TRPC4: variants seen among roughly 807,000 people sequenced by gnomAD.
TRPC4 encodes the protein short transient receptor potential channel 4.
Under a neutral mutation model 99.4 loss-of-function variants are expected in TRPC4, and 49 were observed. The observed-to-expected ratio is 0.49, with a 90% CI of 0.39 to 0.63. TRPC4 has a LOEUF of 0.63. Among genes scored for constraint, TRPC4 ranks in the 20% least tolerant of loss-of-function variants. The probability of loss-of-function intolerance (pLI) is 0.00; values close to 1 mark genes in which losing one functional copy is unlikely to be tolerated. For synonymous variants in TRPC4, 454 were observed against 425.9 expected (o/e 1.07, Z -0.81); for missense variants, 898 against 1,152.9 (o/e 0.78, Z 3.20).
intron 3 of TRPC4, among the ~76,000 whole-genome samples, chr13:37,736,355 AG>A (rs1463074198): frequency 6.6e-6 from 1 of 152,172 alleles, no homozygotes; most frequent in African/African-American, 2.4e-5. Flanking sequence ...TCTACAGAAC[AG>A]CAGGAGAGAA....
chr13:37,802,961 T>C (rs537501675), intron 1 of TRPC4, among the ~76,000 whole-genome samples: 14 of 152,192 alleles, frequency 9.2e-5, no homozygotes, highest in African/African-American at 3.4e-4. Context: ...ATTGTCCCCT[T>C]CTATGTCCAT....
chr13:37,850,454 T>C (rs11839718), intron 1 of TRPC4, among the ~76,000 whole-genome samples: 1,622 of 152,320 alleles, frequency 0.011, 21 homozygotes, highest in African/African-American at 0.037. Context: ...AAGATGGTAA[T>C]TTGGCAAGAA....
intron 1 of TRPC4, among the ~76,000 whole-genome samples, chr13:37,865,697 T>C (rs1397530124): frequency 2.6e-5 from 4 of 151,738 alleles, no homozygotes; most frequent in Admixed American, 2.6e-4. Flanking sequence ...TGTTAAAAGA[T>C]TATTGATTGT....
intron 4 of TRPC4, among the ~76,000 whole-genome samples, chr13:37,682,036 T>A (rs1593501158): frequency 6.6e-6 from 1 of 151,752 alleles, no homozygotes; most frequent in Non-Finnish European, 1.5e-5. Flanking sequence ...TGTGATGGGG[T>A]AGGCAATGCT....
At chr13:37,824,351 A>T (rs1224144824) in intron 1 of TRPC4, among the ~76,000 whole-genome samples, 3 of 148,126 alleles carry the variant, frequency 2.0e-5, no homozygotes, top group African/African-American at 5.0e-5. Flanking sequence ...GTCTTGTGCC[A>T]GTTTTCAAAG....
At chr13:37,745,523 T>A (rs1262172365) in intron 3 of TRPC4, among the ~76,000 whole-genome samples, 2,209 of 95,368 alleles carry the variant, frequency 0.023, 31 homozygotes, top group Non-Finnish European at 0.029. Flanking sequence ...TATATACGTA[T>A]ATATGTATAT....
At chr13:37,652,367 A>C (rs888782944) in intron 7 of TRPC4, among the ~76,000 whole-genome samples, 1 of 152,240 alleles carries the variant, frequency 6.6e-6, no homozygotes, top group African/African-American at 2.4e-5. Context: ...CTTCATTTTG[A>C]TATTCCTAAA....
chr13:37,736,191 T>C (rs1955388230), intron 3 of TRPC4, among the ~76,000 whole-genome samples: 1 of 152,048 alleles, frequency 6.6e-6, no homozygotes. Context: ...CATTACAGAG[T>C]GGCAGGCACT....
At position 37,853,032 on chromosome 13, in the gene TRPC4, G is replaced by A. The variant is rs77694145; in HGVS notation, c.-28+16563C>T. Among the ~76,000 whole-genome samples the A allele has an allele frequency of 8.9e-3, 1,355 of 152,098 alleles. 36 individuals carry two copies. In the East Asian group the frequency reaches 0.099, roughly 11 times the overall value. On this transcript the variant is annotated intron_variant, in intron 1 of 10. Coordinates refer to ENST00000379705, the MANE Select transcript of TRPC4 (RefSeq NM_016179.4). ...ATCTCTGGAGTCACCGAGAGCCTGG[G>A]GAATCTCACTGCCCTGGGGAAAAGA...
intron 10 of TRPC4, among the ~76,000 whole-genome samples, chr13:37,638,738 C>T (rs529341399): frequency 2.4e-4 from 37 of 152,220 alleles, no homozygotes; most frequent in African/African-American, 8.4e-4. Context: ...GTAAATGTTT[C>T]GGATTTAAAA....
rs962139629 is a variant in TRPC4 at position 37,639,109 on chromosome 13, C to T, written c.2142G>A (p.Val714=). The T allele has an allele frequency of 1.1e-5, 17 of 1,613,576 alleles. No homozygotes were observed. Among genetic ancestry groups the T allele is most frequent in the Non-Finnish European group, 1.4e-5 (16 of 1,179,660 alleles). The change falls in exon 10 of 11, where the codon GTG becomes GTA. Residue 714 remains valine, a synonymous_variant. Coordinates refer to ENST00000379705, the MANE Select transcript of TRPC4 (RefSeq NM_016179.4). ...HQYQEVMRNL[V]KRYVAAMIRD... ...TAATCATTGCAGCAACGTATCGCTTCACCAGGTTCCTCATAACTTCCTGAG... is the reference window on the plus strand; with the variant it reads ...TAATCATTGCAGCAACGTATCGCTTTACCAGGTTCCTCATAACTTCCTGAG...
intron 1 of TRPC4, 88 bp from the exon 2 acceptor site, chr13:37,783,448 T>C: frequency 9.5e-7 from 1 of 1,057,140 alleles, no homozygotes; most frequent in Non-Finnish European, 1.3e-6. Context: ...CACAGTGATA[T>C]CAATAACAAC....
intron 2 of TRPC4, among the ~76,000 whole-genome samples, chr13:37,782,415 T>G (rs1956864113): frequency 6.6e-6 from 1 of 152,158 alleles, no homozygotes; most frequent in African/African-American, 2.4e-5. Context: ...ATAGTAATCC[T>G]TTTTGTTTCT....
At chr13:37,764,947 G>A (rs550580908) in intron 2 of TRPC4, among the ~76,000 whole-genome samples, 13 of 150,412 alleles carry the variant, frequency 8.6e-5, no homozygotes, top group African/African-American at 3.2e-4. Flanking sequence ...AGTGAGATGA[G>A]CATATTTTTT....
intron 2 of TRPC4, among the ~76,000 whole-genome samples, chr13:37,757,104 T>A (rs897024519): frequency 1.3e-5 from 2 of 148,278 alleles, no homozygotes; most frequent in African/African-American, 2.5e-5. Flanking sequence ...AAATATGCAA[T>A]GTGGTAACAT....
intron 3 of TRPC4, among the ~76,000 whole-genome samples, chr13:37,716,666 T>A (rs541135485): frequency 6.6e-6 from 1 of 152,274 alleles, no homozygotes; most frequent in African/African-American, 2.4e-5. Context: ...AAAATATGAA[T>A]GTTGATTCTT....
At chr13:37,868,376 T>A (rs1959914546) in intron 1 of TRPC4, among the ~76,000 whole-genome samples, 1 of 152,096 alleles carries the variant, frequency 6.6e-6, no homozygotes. Context: ...GCTACAAATG[T>A]AACTTTAAAT....
Position 37,633,309 on chromosome 13 carries a change from A to G in TRPC4, c.*3594T>C, listed in dbSNP as rs779586776. On this transcript the variant is annotated 3_prime_UTR_variant, in exon 11 of 11. Coordinates refer to ENST00000379705, the MANE Select transcript of TRPC4 (RefSeq NM_016179.4). ...TTGTAAGCATATTTACAGGGCCACA[A>G]TGGATGGTTCTTACTAGGTTGAGTT... Among the ~76,000 whole-genome samples the G allele has an allele frequency of 2.8e-4, 42 of 152,254 alleles. No homozygotes were observed. Among genetic ancestry groups the G allele is most frequent in the African/African-American group, 3.9e-4 (16 of 41,558 alleles).
chr13:37,821,190 C>CACACACA (rs1957996826), intron 1 of TRPC4, among the ~76,000 whole-genome samples: 7 of 135,936 alleles, frequency 5.1e-5, no homozygotes, highest in Non-Finnish European at 7.8e-5. Flanking sequence ...TTCACAATAG[C>CACACACA]CACACACACA....
Sources: allele counts gnomAD v4.1 joint callset (sites outside exome capture counted in the v4.1 genomes callset), GRCh38; gene constraint gnomAD v4.1.1; transcripts MANE v1.5; gene names NCBI Gene and HGNC (gene_info 2026-07-23, HGNC 2026-07-21).